Variants in OSBPL10 observed in about 807,000 individuals in gnomAD.
OSBPL10 encodes the protein oxysterol-binding protein-related protein 10.
OSBPL10 carries 49 observed loss-of-function variants against 81.7 expected under a neutral mutation model. The observed-to-expected ratio is 0.60, with a 90% CI of 0.48 to 0.76. The LOEUF (loss-of-function observed/expected upper bound fraction) is 0.76, where lower values mean the gene tolerates loss of function less well. OSBPL10 is among the 30% of genes least tolerant of loss of function. The probability of loss-of-function intolerance (pLI) is 0.00; values close to 1 mark genes in which losing one functional copy is unlikely to be tolerated. For synonymous variants in OSBPL10, 419 were observed against 383.6 expected (o/e 1.09, Z -1.08); for missense variants, 923 against 987.8 (o/e 0.93, Z 0.88).
intron 5 of OSBPL10, among the ~76,000 whole-genome samples, chr3:31,746,591 T>C (rs1026780850): frequency 2.0e-5 from 3 of 151,492 alleles, no homozygotes; most frequent in African/African-American, 7.3e-5. Context: ...GGCAGGAGAA[T>C]TGCTTGAACC....
chr3:32,012,202 G>T (rs553236597), intron 2 of OSBPL10, among the ~76,000 whole-genome samples: 1 of 152,278 alleles, frequency 6.6e-6, no homozygotes, highest in South Asian at 2.1e-4. Context: ...AGAAAGGTCG[G>T]GTTACCACAA....
chr3:31,875,183 C>A (rs978865356), intron 3 of OSBPL10, among the ~76,000 whole-genome samples: 4 of 150,560 alleles, frequency 2.7e-5, no homozygotes, highest in African/African-American at 9.8e-5. Context: ...ATACACATAC[C>A]AAGATATACT....
At chr3:31,862,571 A>G (rs1473642308) in intron 3 of OSBPL10, among the ~76,000 whole-genome samples, 1 of 152,214 alleles carries the variant, frequency 6.6e-6, no homozygotes, top group Non-Finnish European at 1.5e-5. Flanking sequence ...TCAAGACTAT[A>G]TAAATAACTC....
intron 3 of OSBPL10, among the ~76,000 whole-genome samples, chr3:31,843,934 G>A (rs1193264931): frequency 6.6e-6 from 1 of 152,234 alleles, no homozygotes; most frequent in Non-Finnish European, 1.5e-5. Context: ...GAGTCCAGAT[G>A]CTCTGAGCAG....
rs146681832 is a variant in OSBPL10, at chr3:32,028,465, C to T, written n.298+18026G>A. Among the ~76,000 whole-genome samples the T allele has an allele frequency of 4.6e-3, 698 of 152,292 alleles. 4 individuals carry two copies. Among genetic ancestry groups the T allele is most frequent in the African/African-American group, 0.016 (669 of 41,568 alleles). ...GCTCTTTACTTCAACCTTTAAATCC[C>T]AGCCATCAATCACAGAATAGATAAT... On this transcript the variant is annotated intron_variant and non_coding_transcript_variant, in intron 2 of 3. Transcript: ENST00000479173.
At chr3:31,879,977 G>A (rs1287360327) in intron 1 of OSBPL10, 147 bp from the exon 2 acceptor site, 1 of 826,256 alleles carries the variant, frequency 1.2e-6, no homozygotes, top group Admixed American at 2.9e-5. Context: ...GATGCCCATA[G>A]AAGTTAGCCT....
intron 3 of OSBPL10, among the ~76,000 whole-genome samples, chr3:31,867,343 A>C (rs918675600): frequency 6.6e-6 from 1 of 152,168 alleles, no homozygotes; most frequent in African/African-American, 2.4e-5. Flanking sequence ...TTTTTTATCC[A>C]TAGATGGAAA....
chr3:31,662,074 A>T lies in OSBPL10; in HGVS notation c.2293T>A (p.Ter765ArgextTer15). Residue 765 changes from the stop codon to arginine (R), a stop_lost, in exon 12 of 12, where the codon TGA (stop) becomes AGA (arginine). Coordinates refer to ENST00000396556, the MANE Select transcript of OSBPL10 (RefSeq NM_017784.5). ...GAAAGCTCTGCACCTCCACCCCATC[A>T]GTGTGCTTTCCAGAGGGGATTGAAG... ...VYFNPLWKAH[*>R] 6.2e-7 allele frequency: 1 copy of T among 1,614,024 alleles called. No homozygotes were observed. Among genetic ancestry groups the T allele is most frequent in the Non-Finnish European group, 8.5e-7 (1 of 1,179,966 alleles).
intron 2 of OSBPL10, among the ~76,000 whole-genome samples, chr3:32,008,313 C>T (rs1037746019): frequency 1.5e-5 from 2 of 137,188 alleles, no homozygotes; most frequent in African/African-American, 6.0e-5. Flanking sequence ...CCACAATGCT[C>T]AGCTAATTTT....
chr3:31,675,683 C>T (rs914132183), intron 8 of OSBPL10, among the ~76,000 whole-genome samples: 17 of 152,268 alleles, frequency 1.1e-4, no homozygotes, highest in African/African-American at 2.6e-4. Context: ...CAGTGGCTCA[C>T]GCCTGTAATC....
chr3:31,833,695 ACACGCACACG>A lies in OSBPL10; in HGVS notation c.538-3474_538-3465del, dbSNP rs1244625545. The stretch of plus-strand genomic sequence containing the variant: ...TATCAAGATTGTAGGGAAAACACGC[ACACGCACACG>A]CACACACACACACACACACACACAC... On this transcript the variant is annotated intron_variant, in intron 3 of 11. Coordinates refer to ENST00000396556, the MANE Select transcript of OSBPL10 (RefSeq NM_017784.5). Among the ~76,000 whole-genome samples the A allele has an allele frequency of 2.8e-3, 352 of 125,936 alleles. 1 individual carries two copies. Among genetic ancestry groups the A allele is most frequent in the African/African-American group, 0.012 (312 of 26,658 alleles). 82.6% of individuals were successfully genotyped at this position (125,936 alleles called of 152,430 possible).
intron 4 of OSBPL10, among the ~76,000 whole-genome samples, chr3:31,798,156 C>T (rs942422708): frequency 2.0e-5 from 3 of 152,110 alleles, no homozygotes; most frequent in Admixed American, 6.5e-5. Flanking sequence ...GGAGGCCAGG[C>T]GCAGTGGCTC....
chr3:32,030,023 A>G (rs1415184488), intron 2 of OSBPL10, among the ~76,000 whole-genome samples: 1 of 152,238 alleles, frequency 6.6e-6, no homozygotes, highest in African/African-American at 2.4e-5. Flanking sequence ...ACATGACTCT[A>G]TTAAGCCATT....
At chr3:31,805,871 T>C (rs1304412071) in intron 4 of OSBPL10, among the ~76,000 whole-genome samples, 1 of 152,222 alleles carries the variant, frequency 6.6e-6, no homozygotes, top group Non-Finnish European at 1.5e-5. Flanking sequence ...ATGACGATGG[T>C]AGCAGGGTTT....
intron 1 of OSBPL10, among the ~76,000 whole-genome samples, chr3:32,060,536 A>T (rs1367837629): frequency 1.3e-5 from 2 of 152,160 alleles, no homozygotes; most frequent in African/African-American, 4.8e-5. Context: ...AGGCACCTTT[A>T]TTCTCCCAGA....
intron 2 of OSBPL10, among the ~76,000 whole-genome samples, chr3:32,016,932 G>T (rs1451812888): frequency 6.6e-6 from 1 of 152,124 alleles, no homozygotes; most frequent in Non-Finnish European, 1.5e-5. Flanking sequence ...CACATTCTTG[G>T]TAGCTATTAT....
chr3:31,981,036 C>T lies in OSBPL10; in HGVS notation c.144G>A (p.Gly48=), dbSNP rs1281786023. The T allele has an allele frequency of 4.7e-6, 7 of 1,473,840 alleles. No individual in the cohort carries two copies. In the Admixed American group the frequency reaches 1.0e-4, roughly 22 times the overall value. The allele number at this position is 1,473,840 out of a possible 1,614,324, so 91.3% of individuals were successfully genotyped here. A position where few individuals can be genotyped will look rare whatever the true frequency, so the allele number is the denominator to read the frequency against. ...TGCTGCGGCTTCCCCCGCCGCCGAG[C>T]CCGGCCGCCGCCGACCGGCTGGAGA... The part of the protein sequence containing the change: ...RGVSSRSAAA[G]LGGGGSRSSP... The change falls in exon 1 of 12, where the codon GGG becomes GGA. Residue 48 remains glycine (G), a synonymous_variant. Transcript: ENST00000396556. This position sits in a 1 kb window ranked among gnomAD's most constrained non-coding sequence, Gnocchi z 4.5.
chr3:32,053,030 G>A (rs1699681246), intron 1 of OSBPL10, among the ~76,000 whole-genome samples: 1 of 152,296 alleles, frequency 6.6e-6, no homozygotes, highest in South Asian at 2.1e-4. Context: ...AAGGCCTGGG[G>A]ACATGTGGAG....
At chr3:32,026,103 TAG>T (rs1699410257) in intron 2 of OSBPL10, among the ~76,000 whole-genome samples, 6 of 135,170 alleles carry the variant, frequency 4.4e-5, no homozygotes, top group East Asian at 2.8e-4. Context: ...GATAGATAGA[TAG>T]AGATAGAGAT....
Sources: gnomAD v4.1 joint callset for allele counts (sites outside exome capture counted in the v4.1 genomes callset) on GRCh38, gnomAD v4.1.1 for gene constraint, Gnocchi (gnomAD v3.1) non-coding constraint, MANE v1.5 for transcripts, NCBI Gene and HGNC (gene_info 2026-07-23, HGNC 2026-07-21) for gene names.